The following ZC3H18 variants were observed in gnomAD, a reference collection of about 807,000 sequenced individuals.
ZC3H18 encodes the protein zinc finger CCCH domain-containing protein 18.
In ZC3H18, 8 loss-of-function variants were observed where a neutral mutation model predicts 106.1. The observed-to-expected ratio is 0.08, with a 90% confidence interval of 0.04 to 0.14. ZC3H18 has a LOEUF of 0.14. ZC3H18 is among the 10% of genes least tolerant of loss of function. ZC3H18 has a pLI of 1.00. For synonymous variants in ZC3H18, 635 were observed against 522.1 expected (o/e 1.22, Z -2.95); for missense variants, 1,318 against 1,278.4 (o/e 1.03, Z -0.47).
intron 15 of ZC3H18, 52 bp from the exon 16 acceptor site, chr16:88,628,706 C>T: frequency 1.9e-6 from 3 of 1,590,666 alleles, no homozygotes; most frequent in South Asian, 1.1e-5. Flanking sequence ...GGCGAGGACA[C>T]GGCTTCTGGC....
At chr16:88,603,977 C>A (rs915025837) in intron 6 of ZC3H18, among the ~76,000 whole-genome samples, 5 of 152,146 alleles carry the variant, frequency 3.3e-5, no homozygotes, top group Middle Eastern at 3.4e-3. Context: ...GCTAGACAGA[C>A]GCACTCTGAT....
chr16:88,592,589 C>G (rs1915815925), intron 3 of ZC3H18, among the ~76,000 whole-genome samples: 1 of 152,200 alleles, frequency 6.6e-6, no homozygotes, highest in Non-Finnish European at 1.5e-5. Context: ...ATTCTCCTGC[C>G]TCAGCCTCCC....
chr16:88,577,133 G>A lies in ZC3H18; in HGVS notation c.10G>A (p.Ala4Thr), dbSNP rs757500371. MDV[A>T]ESPERDPHSP... ...AGAACCGTGGGTACCGATGGATGTG[G>A]CCGAGAGCCCTGAACGGGATCCTCA... Residue 4 changes from alanine to threonine, a missense_variant, in exon 2 of 18, where the codon GCC becomes ACC. Coordinates refer to ENST00000301011, the MANE Select transcript of ZC3H18 (RefSeq NM_144604.4). 5.2e-6 allele frequency: 8 copies of A among 1,548,260 alleles called. No homozygotes were observed. The highest frequency in any genetic ancestry group is 6.1e-6 in the Non-Finnish European group (7 of 1,145,034).
At chr16:88,628,659 C>T in intron 15 of ZC3H18, 99 bp from the exon 16 acceptor site, 1 of 1,286,760 alleles carries the variant, frequency 7.8e-7, no homozygotes, top group South Asian at 1.3e-5. Flanking sequence ...CCTTTGGGAG[C>T]AGAGCAGGTT....
chr16:88,591,120 G>A (rs753234125), intron 3 of ZC3H18, among the ~76,000 whole-genome samples: 1 of 151,960 alleles, frequency 6.6e-6, no homozygotes, highest in Admixed American at 6.6e-5. Flanking sequence ...ACAGGCGCCC[G>A]CCACCACGCC....
chr16:88,617,240 G>GATCTCATCCCCATCGGT lies in ZC3H18; in HGVS notation c.1476-4951_1476-4935dup, dbSNP rs569620189. On this transcript the variant is annotated intron_variant, in intron 8 of 17. Coordinates refer to ENST00000301011, the MANE Select transcript of ZC3H18 (RefSeq NM_144604.4). Reference sequence around the variant, plus strand: ...TTACTGGCTAGCTTGTCCCCGTCGGGATCTCATCCCCATCGGTATCTCTGG... The same window carrying GATCTCATCCCCATCGGT: ...TTACTGGCTAGCTTGTCCCCGTCGGGATCTCATCCCCATCGGTATCTCATCCCCATCGGTATCTCTGG... Among the ~76,000 whole-genome samples, 37 of 151,856 alleles carry GATCTCATCCCCATCGGT rather than the reference G, an allele frequency of 2.4e-4. No individual in the cohort carries two copies. The East Asian group carries it at 6.4e-3, about 26-fold the overall frequency.
intron 9 of ZC3H18, chr16:88,622,602 G>A (rs1015081144): frequency 1.8e-6 from 1 of 565,858 alleles, no homozygotes; most frequent in Non-Finnish European, 3.0e-6. Context: ...CCCAAATGGG[G>A]CACAGACCCC....
At chr16:88,623,516 C>G (rs1906101447) in intron 10 of ZC3H18, 172 bp downstream of exon 10, 2 of 838,458 alleles carry the variant, frequency 2.4e-6, no homozygotes, top group African/African-American at 3.4e-5. Context: ...CAAACACCAG[C>G]CTTGCGGGCC....
At chr16:88,592,367 T>A (rs1915804850) in intron 3 of ZC3H18, among the ~76,000 whole-genome samples, 1 of 152,222 alleles carries the variant, frequency 6.6e-6, no homozygotes, top group Non-Finnish European at 1.5e-5. Context: ...AAAACTGTGT[T>A]TAAAGCAGCA....
intron 6 of ZC3H18, among the ~76,000 whole-genome samples, chr16:88,601,198 G>C (rs751427563): frequency 3.3e-5 from 5 of 152,228 alleles, no homozygotes; most frequent in Non-Finnish European, 7.3e-5. Flanking sequence ...TTAAAGACTT[G>C]GTTAACATGT....
intron 2 of ZC3H18, among the ~76,000 whole-genome samples, chr16:88,581,724 A>T (rs543053738): frequency 6.6e-6 from 1 of 152,176 alleles, no homozygotes; most frequent in African/African-American, 2.4e-5. Flanking sequence ...CTGCCGTCCA[A>T]AGAGTGCGTG....
In ZC3H18 at chr16:88,599,944, A is replaced by C; in HGVS notation, c.1084A>C (p.Thr362Pro). Reference sequence around the variant, plus strand: ...TCGGATCCCGAGAGATGTCAGAGACACAGTGTAAGGAATGGCCCTGCCTGC... The same window carrying C: ...TCGGATCCCGAGAGATGTCAGAGACCCAGTGTAAGGAATGGCCCTGCCTGC... ...NSRIPRDVRD[T>P]VLEPYADPYY... Residue 362 changes from threonine to proline, a missense_variant, in exon 6 of 18, where the codon ACA becomes CCA. By Grantham distance (38) the Thr-to-Pro change is conservative. Around this residue, in one of 6 missense-constraint regions of ZC3H18, gnomAD observed 848 missense variants for 821.7 expected, o/e 1.03. Coordinates refer to ENST00000301011, the MANE Select transcript of ZC3H18 (RefSeq NM_144604.4). 1 of 1,614,020 alleles carries C rather than the reference A, an allele frequency of 6.2e-7. No homozygotes were observed. The highest frequency in any genetic ancestry group is 8.5e-7 in the Non-Finnish European group (1 of 1,179,932).
At position 88,577,140 on chromosome 16, in the gene ZC3H18, G is replaced by T; in HGVS notation, c.17G>T (p.Ser6Ile). The change falls in exon 2 of 18, where the codon AGC becomes ATC. Residue 6 changes from serine to isoleucine, a missense_variant. This residue lies in a region of ZC3H18 where 346 missense variants were observed against 269.0 expected (regional missense o/e 1.29). Coordinates refer to ENST00000301011, the MANE Select transcript of ZC3H18 (RefSeq NM_144604.4). MDVAESPERDPHSPED... is the reference protein window; with the variant it reads MDVAEIPERDPHSPED... Reference sequence around the variant, plus strand: ...TGGGTACCGATGGATGTGGCCGAGAGCCCTGAACGGGATCCTCACTCTCCA... The same window carrying T: ...TGGGTACCGATGGATGTGGCCGAGATCCCTGAACGGGATCCTCACTCTCCA... 6.4e-7 allele frequency: 1 copy of T among 1,565,946 alleles called. No individual in the cohort carries two copies. Among genetic ancestry groups the T allele is most frequent in the African/African-American group, 1.4e-5 (1 of 73,586 alleles).
chr16:88,618,980 G>T (rs371555049), intron 8 of ZC3H18, among the ~76,000 whole-genome samples: 8 of 152,228 alleles, frequency 5.3e-5, no homozygotes, highest in African/African-American at 1.9e-4. Flanking sequence ...TGTGTGTTTT[G>T]GTTTTGTTTA....
chr16:88,621,413 A>G (rs896746993), intron 8 of ZC3H18, among the ~76,000 whole-genome samples: 7 of 152,004 alleles, frequency 4.6e-5, no homozygotes, highest in Non-Finnish European at 8.8e-5. Context: ...TTTAGTAGAG[A>G]TGGGGTTTCA....
chr16:88,589,913 C>G (rs778339586), intron 3 of ZC3H18, among the ~76,000 whole-genome samples: 6 of 152,294 alleles, frequency 3.9e-5, no homozygotes, highest in Non-Finnish European at 8.8e-5. Context: ...TACTGCAAAC[C>G]AGTGAATTGT....
Position 88,624,028 on chromosome 16 carries a change from A to G in ZC3H18, c.1864A>G (p.Lys622Glu). ...CCCACATAGACCTTCCATCAGAACC[A>G]AGGGAGAGCCGGCCCCGCCGCCCGG... The part of the protein sequence containing the change: ...PSPHRPSIRT[K>E]GEPAPPPGKA... The change falls in exon 11 of 18, where the codon AAG becomes GAG. Residue 622 changes from lysine to glutamate, a missense_variant. Transcript: ENST00000301011. 6.2e-7 allele frequency: 1 copy of G among 1,613,960 alleles called. No individual in the cohort carries two copies. Among genetic ancestry groups the G allele is most frequent in the Non-Finnish European group, 8.5e-7 (1 of 1,179,928 alleles).
At chr16:88,601,057 G>C (rs1357247617) in intron 6 of ZC3H18, among the ~76,000 whole-genome samples, 2 of 152,232 alleles carry the variant, frequency 1.3e-5, no homozygotes, top group African/African-American at 4.8e-5. Flanking sequence ...GCCCTGCAAG[G>C]CCCTTCTCAA....
At chr16:88,595,880 C>T (rs1356798466) in intron 3 of ZC3H18, among the ~76,000 whole-genome samples, 2 of 152,056 alleles carry the variant, frequency 1.3e-5, no homozygotes, top group African/African-American at 2.4e-5. Context: ...ATCTAAAGCC[C>T]CTTCCCACAT....
Sources: allele counts gnomAD v4.1 joint callset (sites outside exome capture counted in the v4.1 genomes callset), GRCh38; gene constraint gnomAD v4.1.1; regional missense constraint gnomAD v4.1.1; transcripts MANE v1.5; gene names NCBI Gene and HGNC (gene_info 2026-07-23, HGNC 2026-07-21).